OAF: variants seen among roughly 807,000 people sequenced by gnomAD.
OAF encodes out at first homolog.
A neutral mutation model predicts 22.5 loss-of-function variants in OAF; 13 were observed. The ratio of observed to expected loss-of-function variants is 0.58; its 90% CI spans 0.38 to 0.92. The LOEUF (loss-of-function observed/expected upper bound fraction) is 0.92, where lower values mean the gene tolerates loss of function less well. Among genes scored for constraint, OAF ranks in the 40% least tolerant of loss-of-function variants. The probability of loss-of-function intolerance (pLI) is 0.00; values close to 1 mark genes in which losing one functional copy is unlikely to be tolerated. For missense variants in OAF, 347 were observed against 381.8 expected (o/e 0.91, Z 0.76); for synonymous variants, 175 against 170.5 (o/e 1.03, Z -0.21).
chr11:120,219,990 C>G (rs142371983), intron 1 of OAF, among the ~76,000 whole-genome samples: 1 of 152,326 alleles, frequency 6.6e-6, no homozygotes, highest in Non-Finnish European at 1.5e-5. Flanking sequence ...AAGCATTGAG[C>G]CCCAGCTGTG....
chr11:120,219,289 C>T (rs185387029), intron 1 of OAF, among the ~76,000 whole-genome samples: 54 of 152,234 alleles, frequency 3.5e-4, no homozygotes, highest in African/African-American at 1.2e-3. Flanking sequence ...TGAGACCCAG[C>T]TTGTCTGTGA....
intron 1 of OAF, among the ~76,000 whole-genome samples, chr11:120,213,540 C>G (rs1938176786): frequency 6.6e-6 from 1 of 152,148 alleles, no homozygotes; most frequent in African/African-American, 2.4e-5. Flanking sequence ...TCCCAAGTCC[C>G]TTTAACTCCA....
Position 120,225,694 on chromosome 11 carries a change from G to A in OAF, c.265G>A (p.Glu89Lys). The change falls in exon 2 of 4, where the codon GAG becomes AAG. Residue 89 changes from glutamate to lysine, a missense_variant. Physicochemically the swap from Glu to Lys is moderately conservative, Grantham distance 56 (BLOSUM62 1). Transcript: ENST00000328965. ...VKVFRALILGELEKGQSQFQA... is the reference protein window; with the variant it reads ...VKVFRALILGKLEKGQSQFQA... Reference sequence around the variant, plus strand: ...GGTCTTCCGGGCCCTGATCCTGGGGGAGCTGGAGAAGGGGCAGAGTCAGTT... The same window carrying A: ...GGTCTTCCGGGCCCTGATCCTGGGGAAGCTGGAGAAGGGGCAGAGTCAGTT... 1 of 1,602,766 alleles carries A rather than the reference G, an allele frequency of 6.2e-7. No homozygotes were observed. The highest frequency in any genetic ancestry group is 8.5e-7 in the Non-Finnish European group (1 of 1,175,124).
At chr11:120,222,335 A>G (rs1938289287) in intron 1 of OAF, among the ~76,000 whole-genome samples, 1 of 152,056 alleles carries the variant, frequency 6.6e-6, no homozygotes, top group Admixed American at 6.6e-5. Context: ...AGGCAGGCGG[A>G]TCACCTGAGG....
chr11:120,230,276 A>T lies in OAF; in HGVS notation c.*1134A>T, dbSNP rs529857318. On this transcript the variant is annotated 3_prime_UTR_variant, in exon 4 of 4. Coordinates refer to ENST00000328965, the MANE Select transcript of OAF (RefSeq NM_178507.4). ...CTTACCTGCTGTGCAGCCATGGGTC[A>T]AGTTGCTTGACCTCTCTGTGCCTCC... 2.9e-4 allele frequency: 44 copies of T among 152,374 alleles called. No individual in the cohort carries two copies. Among genetic ancestry groups the T allele is most frequent in the African/African-American group, 1.0e-3 (42 of 41,576 alleles). 9.4% of individuals were successfully genotyped at this position (152,374 alleles called of 1,614,324 possible). A position where few individuals can be genotyped will look rare whatever the true frequency, so the allele number is the denominator to read the frequency against.
At chr11:120,222,195 T>C (rs534778830) in intron 1 of OAF, among the ~76,000 whole-genome samples, 9 of 152,128 alleles carry the variant, frequency 5.9e-5, no homozygotes, top group Non-Finnish European at 1.3e-4. Context: ...TGTTACCAAA[T>C]AGACCCAGAA....
In OAF at chr11:120,228,853, G is replaced by A. The variant is rs1213845820; in HGVS notation, c.548-15G>A. 2 of 434,820 alleles carry A rather than the reference G, an allele frequency of 4.6e-6. No homozygotes were observed. The highest frequency in any genetic ancestry group is 7.1e-5 in the Admixed American group (2 of 28,292). 26.9% of individuals were successfully genotyped at this position (434,820 alleles called of 1,614,324 possible). ...CTCCCTCCCTCCCTCCCTGATCCTT[G>A]CCTCTCTCCCCCAGGTGTGGACAGT... On this transcript the variant is annotated splice_polypyrimidine_tract_variant and intron_variant, in intron 3 of 3. Coordinates refer to ENST00000328965, the MANE Select transcript of OAF (RefSeq NM_178507.4).
chr11:120,216,318 G>T (rs772758984), intron 1 of OAF, among the ~76,000 whole-genome samples: 7 of 152,322 alleles, frequency 4.6e-5, no homozygotes, highest in African/African-American at 1.7e-4. Context: ...ATGTGGGACC[G>T]AGAAGCTTTC....
chr11:120,225,548 C>G (rs1938343446), intron 1 of OAF, 113 bp from the exon 2 acceptor site: 1 of 861,090 alleles, frequency 1.2e-6, no homozygotes, highest in South Asian at 2.0e-5. Flanking sequence ...AGGGAGGTGT[C>G]TGTTGCCCGG....
chr11:120,218,701 C>T (rs1938242722), intron 1 of OAF, among the ~76,000 whole-genome samples: 1 of 152,128 alleles, frequency 6.6e-6, no homozygotes, highest in Non-Finnish European at 1.5e-5. Flanking sequence ...AGAGCGATGA[C>T]CTGCAGCCTG....
At chr11:120,211,617 A>C in intron 1 of OAF, 107 bp downstream of exon 1, 1 of 719,586 alleles carries the variant, frequency 1.4e-6, no homozygotes, top group Non-Finnish European at 2.1e-6. Context: ...AGGGAGACGC[A>C]GCTGGCCCAA....
In OAF at chr11:120,211,525, C is replaced by T. The variant is rs895324496; in HGVS notation, c.231+15C>T. ...ACTTCAAGAAGGTGAGGCGCCCTCACTCGCCGGGGTGGCACCTTCAAGCCT... is the reference window on the plus strand; with the variant it reads ...ACTTCAAGAAGGTGAGGCGCCCTCATTCGCCGGGGTGGCACCTTCAAGCCT... On this transcript the variant is annotated intron_variant, in intron 1 of 3. Coordinates refer to ENST00000328965, the MANE Select transcript of OAF (RefSeq NM_178507.4). The T allele has an allele frequency of 7.0e-7, 1 of 1,436,272 alleles. No homozygotes were observed. The highest frequency in any genetic ancestry group is 9.2e-7 in the Non-Finnish European group (1 of 1,085,882). The allele number at this position is 1,436,272 out of a possible 1,614,324, so 89.0% of individuals were successfully genotyped here.
chr11:120,211,471 C>A lies in OAF; in HGVS notation c.192C>A (p.Pro64=). Residue 64 remains proline (P), a synonymous_variant, in exon 1 of 4, where the codon CCC becomes CCA. Coordinates refer to ENST00000328965, the MANE Select transcript of OAF (RefSeq NM_178507.4). ...GCATCAGCCTCGAGCTGCGCAAGCC[C>A]GACGGCACCCTCGTCTCCTTCACCG... ...ADSISLELRK[P]DGTLVSFTAD... is the part of the protein sequence containing the mutation. The A allele has an allele frequency of 6.6e-7, 1 of 1,510,626 alleles. No homozygotes were observed. The highest frequency in any genetic ancestry group is 8.9e-7 in the Non-Finnish European group (1 of 1,125,546). 93.6% of individuals were successfully genotyped at this position (1,510,626 alleles called of 1,614,324 possible). A position where few individuals can be genotyped will look rare whatever the true frequency, so the allele number is the denominator to read the frequency against.
Position 120,229,375 on chromosome 11 carries a change from G to GAC in OAF, c.*233_*234insAC. 3.7e-5 allele frequency: 15 copies of GAC among 409,986 alleles called. No individual in the cohort carries two copies. Among genetic ancestry groups the GAC allele is most frequent in the South Asian group, 1.4e-4 (5 of 35,400 alleles). 25.4% of individuals were successfully genotyped at this position (409,986 alleles called of 1,614,324 possible). A position where few individuals can be genotyped will look rare whatever the true frequency, so the allele number is the denominator to read the frequency against. On this transcript the variant is annotated 3_prime_UTR_variant, in exon 4 of 4. Coordinates refer to ENST00000328965, the MANE Select transcript of OAF (RefSeq NM_178507.4). ...CTGTGCCTTCCTTGCGGGCAGAGAG[G>GAC]GAGAGAAGGGCTCCCCAGATCTACA...
rs1565344553 is a variant in OAF at position 120,229,425 on chromosome 11, G to T, written c.*283G>T. 4.9e-6 allele frequency: 2 copies of T among 408,792 alleles called. No individual in the cohort carries two copies. Among genetic ancestry groups the T allele is most frequent in the Admixed American group, 3.6e-5 (1 of 27,802 alleles). 25.3% of individuals were successfully genotyped at this position (408,792 alleles called of 1,614,324 possible). On this transcript the variant is annotated 3_prime_UTR_variant, in exon 4 of 4. Coordinates refer to ENST00000328965, the MANE Select transcript of OAF (RefSeq NM_178507.4). ...ACCCCTCCCTCCTGCATCTCCCCTG[G>T]AGTGTTCACTTGCAAGCTGCCAAAA...
intron 1 of OAF, among the ~76,000 whole-genome samples, chr11:120,223,376 C>T (rs1031625113): frequency 1.3e-5 from 2 of 152,186 alleles, no homozygotes; most frequent in African/African-American, 2.4e-5. Flanking sequence ...TAGCTCCTAC[C>T]GCCTGTTGTA....
intron 1 of OAF, among the ~76,000 whole-genome samples, chr11:120,223,331 G>A (rs1938306442): frequency 6.6e-6 from 1 of 152,194 alleles, no homozygotes; most frequent in Non-Finnish European, 1.5e-5. Context: ...CCATGACGTT[G>A]AACAGGTTAC....
chr11:120,227,112 G>A (rs753664830), intron 3 of OAF, 116 bp downstream of exon 3: 101 of 653,528 alleles, frequency 1.5e-4, no homozygotes, highest in Non-Finnish European at 2.5e-4. Context: ...CATTAGCCAA[G>A]TCTCATCATT....
chr11:120,226,462 G>A lies in OAF; in HGVS notation c.367-354G>A, dbSNP rs539882352. Among the ~76,000 whole-genome samples, 5 of 152,330 alleles carry A rather than the reference G, an allele frequency of 3.3e-5. No homozygotes were observed. The East Asian group carries it at 9.7e-4, about 29-fold the overall frequency. On this transcript the variant is annotated intron_variant, in intron 2 of 3. Transcript: ENST00000328965. ...CTTTCCCAAAGGGACTTGGTTCCCT[G>A]GATGTTGGAAAGTACGTGATTCCAG...
Sources: gnomAD v4.1 joint callset for allele counts (sites outside exome capture counted in the v4.1 genomes callset) on GRCh38, gnomAD v4.1.1 for gene constraint, MANE v1.5 for transcripts, NCBI Gene and HGNC (gene_info 2026-07-23, HGNC 2026-07-21) for gene names.